ZMYM6: variants seen among roughly 807,000 people sequenced by gnomAD.
The protein encoded by ZMYM6 is zinc finger MYM-type containing 6, also known as zinc finger MYM-type protein 6.
Under a neutral mutation model 134.0 loss-of-function variants are expected in ZMYM6, and 90 were observed. That is an observed-to-expected ratio of 0.67 (90% CI 0.57 to 0.80). ZMYM6 has a LOEUF of 0.80. Ranked by LOEUF, ZMYM6 falls within the 30% of genes least tolerant of loss-of-function variation. The pLI is 0.00. For missense variants in ZMYM6, 1,362 were observed against 1,533.9 expected, an observed-to-expected ratio of 0.89 and a Z score of 1.87; for synonymous variants, 481 against 524.1, an observed-to-expected ratio of 0.92 and a Z score of 1.12.
intron 2 of ZMYM6, among the ~76,000 whole-genome samples, chr1:35,024,848 G>T (rs1010720437): frequency 1.2e-4 from 18 of 151,340 alleles, no homozygotes; most frequent in Admixed American, 6.6e-5. Context: ...CAATTTTAAA[G>T]CACTTACCTA....
chr1:35,028,788 T>TG (rs200420823), intron 2 of ZMYM6, among the ~76,000 whole-genome samples: 1,709 of 151,806 alleles, frequency 0.011, 32 homozygotes, highest in African/African-American at 0.039. Flanking sequence ...CGTGAGCCAC[T>TG]GTGCCCAGCC....
rs1234171743 is a variant in ZMYM6 at position 35,019,383 on chromosome 1, G to A, written c.398C>T (p.Pro133Leu). 1.2e-6 allele frequency: 2 copies of A among 1,614,210 alleles called. No homozygotes were observed. The highest frequency in any genetic ancestry group is 3.3e-5 in the Admixed American group (2 of 60,022). Residue 133 changes from proline (P) to leucine (L), a missense_variant, in exon 4 of 16, where the codon CCT (proline) becomes CTT (leucine). This residue lies in a region of ZMYM6 where 503 missense variants were observed against 520.8 expected (regional missense o/e 0.97). Coordinates refer to ENST00000357182, the MANE Select transcript of ZMYM6 (RefSeq NM_007167.4). ...RHSSPACLPP[P>L]PKKTCTNCSK... is the part of the protein sequence containing the mutation. ...GCAGTTTGTGCAGGTTTTCTTGGGA[G>A]GAGGTGGCAGGCAGGCAGGTGAAGA...
At chr1:35,024,139 C>A (rs547754854) in intron 2 of ZMYM6, among the ~76,000 whole-genome samples, 1 of 152,238 alleles carries the variant, frequency 6.6e-6, no homozygotes, top group South Asian at 2.1e-4. Flanking sequence ...ATCCCTCAGC[C>A]CCCTCCACCT....
At chr1:35,029,698 G>A (rs1008492496) in intron 2 of ZMYM6, among the ~76,000 whole-genome samples, 7 of 151,992 alleles carry the variant, frequency 4.6e-5, no homozygotes, top group African/African-American at 1.7e-4. Flanking sequence ...AGTTCCCTCT[G>A]TCTGTAATAC....
At chr1:35,026,446 C>T (rs1641416688) in intron 2 of ZMYM6, among the ~76,000 whole-genome samples, 2 of 152,132 alleles carry the variant, frequency 1.3e-5, no homozygotes, top group South Asian at 4.1e-4. Flanking sequence ...AAATAATACA[C>T]AATTTGTTCA....
chr1:35,010,658 C>G, intron 9 of ZMYM6, 61 bp from the exon 10 acceptor site: 2 of 1,553,554 alleles, frequency 1.3e-6, no homozygotes, highest in Non-Finnish European at 8.6e-7. Context: ...TTTAAGAACT[C>G]CTTTTCATGT....
intron 6 of ZMYM6, 81 bp downstream of exon 6, chr1:35,014,616 A>G: frequency 7.5e-7 from 1 of 1,333,814 alleles, no homozygotes; most frequent in South Asian, 1.4e-5. Flanking sequence ...GGAGGAGCTC[A>G]CTCTCATTTT....
chr1:35,015,478 C>A (rs1421598191), intron 4 of ZMYM6, among the ~76,000 whole-genome samples: 1 of 151,914 alleles, frequency 6.6e-6, no homozygotes, highest in Non-Finnish European at 1.5e-5. Flanking sequence ...GTAATCCCAT[C>A]ACTTTGGGAG....
At chr1:34,994,483 A>G (rs762383156) in intron 14 of ZMYM6, among the ~76,000 whole-genome samples, 2 of 152,180 alleles carry the variant, frequency 1.3e-5, no homozygotes, top group Non-Finnish European at 2.9e-5. Flanking sequence ...AGGAACATCA[A>G]CAAGAACAAG....
intron 14 of ZMYM6, among the ~76,000 whole-genome samples, chr1:34,993,767 T>A (rs1640727021): frequency 6.6e-6 from 1 of 151,956 alleles, no homozygotes; most frequent in African/African-American, 2.4e-5. Flanking sequence ...CACTGCAACC[T>A]CTGCCTCCTG....
intron 10 of ZMYM6, 84 bp from the exon 11 acceptor site, chr1:35,009,008 G>A: frequency 2.1e-6 from 3 of 1,396,860 alleles, no homozygotes; most frequent in South Asian, 2.9e-5. Context: ...TCTTAGATAT[G>A]AAACTTTAAG....
chr1:35,030,723 A>C lies in ZMYM6; in HGVS notation c.-74-10T>G. 7.7e-7 allele frequency: 1 copy of C among 1,290,970 alleles called. No individual in the cohort carries two copies. Among genetic ancestry groups the C allele is most frequent in the Non-Finnish European group, 1.1e-6 (1 of 914,620 alleles). The allele number at this position is 1,290,970 out of a possible 1,614,324, so 80.0% of individuals were successfully genotyped here. A position where few individuals can be genotyped will look rare whatever the true frequency, so the allele number is the denominator to read the frequency against. The stretch of plus-strand genomic sequence containing the variant: ...ATGGATAGTTGGACACCTAAAATAC[A>C]TACTCAGGCTTATTCTTTTTTCTTC... On this transcript the variant is annotated splice_polypyrimidine_tract_variant and intron_variant, in intron 1 of 15. Coordinates refer to ENST00000357182, the MANE Select transcript of ZMYM6 (RefSeq NM_007167.4).
chr1:35,027,901 A>C (rs931933947), intron 2 of ZMYM6, among the ~76,000 whole-genome samples: 1 of 152,206 alleles, frequency 6.6e-6, no homozygotes, highest in Admixed American at 6.5e-5. Flanking sequence ...CATGGATGCC[A>C]CCATCCCCCA....
chr1:34,987,749 T>C lies in ZMYM6; in HGVS notation c.3333A>G (p.Gly1111=), dbSNP rs1039135370. The C allele has an allele frequency of 3.2e-6, 5 of 1,551,542 alleles. No individual in the cohort carries two copies. The Admixed American group carries it at 9.8e-5, about 30-fold the overall frequency. The change falls in exon 16 of 16, where the codon GGA becomes GGG. Residue 1111 remains glycine (G), a synonymous_variant. Coordinates refer to ENST00000357182, the MANE Select transcript of ZMYM6 (RefSeq NM_007167.4). ...AKYFHDEEWV[G]KLAYLSDIFS... The stretch of plus-strand genomic sequence containing the variant: ...ATATATCTGATAAGTAGGCCAGCTT[T>C]CCAACCCATTCCTCATCATGAAAAT...
intron 14 of ZMYM6, among the ~76,000 whole-genome samples, chr1:34,996,311 A>T (rs1333250957): frequency 1.3e-5 from 2 of 152,214 alleles, no homozygotes; most frequent in Non-Finnish European, 2.9e-5. Context: ...TTTCACATGT[A>T]AGCATTATTT....
intron 12 of ZMYM6, among the ~76,000 whole-genome samples, chr1:35,006,498 T>A (rs531887886): frequency 6.6e-6 from 1 of 152,334 alleles, no homozygotes; most frequent in East Asian, 1.9e-4. Flanking sequence ...TTTTCTGAGA[T>A]AATTAACGTG....
At chr1:35,016,181 C>A (rs576931840) in intron 4 of ZMYM6, among the ~76,000 whole-genome samples, 1 of 152,178 alleles carries the variant, frequency 6.6e-6, no homozygotes, top group East Asian at 1.9e-4. Context: ...AAATTCCTGA[C>A]CTCGCGATCC....
chr1:35,008,985 T>C lies in ZMYM6; in HGVS notation c.1493-61A>G, dbSNP rs138131604. On this transcript the variant is annotated intron_variant, in intron 10 of 15. Coordinates refer to ENST00000357182, the MANE Select transcript of ZMYM6 (RefSeq NM_007167.4). ...ATTTACATTAACTGAGGAGGTATAATAAGTTTCTGTGGTCTTAGATATGAA... is the reference window on the plus strand; with the variant it reads ...ATTTACATTAACTGAGGAGGTATAACAAGTTTCTGTGGTCTTAGATATGAA... 1.6e-4 allele frequency: 246 copies of C among 1,535,568 alleles called. 1 individual carries two copies. The African/African-American group carries it at 1.7e-3, about 11-fold the overall frequency.
Position 35,006,961 on chromosome 1 carries a change from T to C in ZMYM6, c.1803A>G (p.Pro601=), listed in dbSNP as rs1199428105. ...CHQQIMNDCL[P]QNKVNISKAK... is the part of the protein sequence containing the mutation. ...TAAGTTTAATTTTACCTTTATTTTG[T>C]GGAAGACAGTCATTCATAATTTGCT... Residue 601 remains proline (P), a synonymous_variant, in exon 12 of 16, where the codon CCA becomes CCG. Coordinates refer to ENST00000357182, the MANE Select transcript of ZMYM6 (RefSeq NM_007167.4). The C allele has an allele frequency of 6.2e-7, 1 of 1,610,284 alleles. No individual in the cohort carries two copies. The highest frequency in any genetic ancestry group is 1.3e-5 in the African/African-American group (1 of 74,930).
Sources: allele counts gnomAD v4.1 joint callset (sites outside exome capture counted in the v4.1 genomes callset), GRCh38; gene constraint gnomAD v4.1.1; regional missense constraint gnomAD v4.1.1; transcripts MANE v1.5; gene names NCBI Gene and HGNC (gene_info 2026-07-23, HGNC 2026-07-21).